DISP3: variants seen among roughly 807,000 people sequenced by gnomAD.
DISP3 encodes the protein protein dispatched homolog 3.
Under a neutral mutation model 135.3 loss-of-function variants are expected in DISP3, and 101 were observed. The observed-to-expected ratio is 0.75, with a 90% CI of 0.64 to 0.88. The LOEUF (loss-of-function observed/expected upper bound fraction) is 0.88, where lower values mean the gene tolerates loss of function less well. Among genes scored for constraint, DISP3 ranks in the 40% least tolerant of loss-of-function variants. The probability of loss-of-function intolerance (pLI) is 0.00; values close to 1 mark genes in which losing one functional copy is unlikely to be tolerated. For missense variants in DISP3, 1,713 were observed against 1,878.6 expected, an observed-to-expected ratio of 0.91 and a Z score of 1.63; for synonymous variants, 856 against 817.0, an observed-to-expected ratio of 1.05 and a Z score of -0.81.
At position 11,520,938 on chromosome 1, in the gene DISP3, C is replaced by A; in HGVS notation, c.2362+90C>A. ...TGAGAGATGCAGGATCCAGGGTCCC[C>A]ATCAATGCCAGACCTCAGGCAAATC... is the stretch of plus-strand genomic sequence containing the variant. On this transcript the variant is annotated intron_variant, in intron 10 of 20. Coordinates refer to ENST00000294484, the MANE Select transcript of DISP3 (RefSeq NM_020780.2). This position sits in a 1 kb window ranked among gnomAD's most constrained non-coding sequence, Gnocchi z 4.8. 1 of 1,405,290 alleles carries A rather than the reference C, an allele frequency of 7.1e-7. No homozygotes were observed. Among genetic ancestry groups the A allele is most frequent in the South Asian group, 1.4e-5 (1 of 70,350 alleles). The allele number at this position is 1,405,290 out of a possible 1,614,324, so 87.1% of individuals were successfully genotyped here.
At position 11,524,182 on chromosome 1, in the gene DISP3, G is replaced by A. The variant is rs867243351; in HGVS notation, c.2476+127G>A. On this transcript the variant is annotated intron_variant, in intron 11 of 20. Coordinates refer to ENST00000294484, the MANE Select transcript of DISP3 (RefSeq NM_020780.2). ...AGGAGATTGTGTGTTCCTGGTCACTGCAGAGGAGCTGGGGATGGGGGGTGA... is the reference window on the plus strand; with the variant it reads ...AGGAGATTGTGTGTTCCTGGTCACTACAGAGGAGCTGGGGATGGGGGGTGA... 7.6e-5 allele frequency: 55 copies of A among 721,988 alleles called. No individual in the cohort carries two copies. The South Asian group carries it at 8.1e-4, about 11-fold the overall frequency. The allele number at this position is 721,988 out of a possible 1,614,324, so 44.7% of individuals were successfully genotyped here.
In DISP3 at chr1:11,501,023, G is replaced by C. The variant is rs1311152946; in HGVS notation, c.31G>C (p.Asp11His). Residue 11 changes from aspartate (D) to histidine (H), a missense_variant, in exon 2 of 21, where the codon GAT becomes CAT. This residue lies in a region of DISP3 where 571 missense variants were observed against 494.1 expected (regional missense o/e 1.16). Transcript: ENST00000294484. This position sits in a 1 kb window ranked among gnomAD's most constrained non-coding sequence, Gnocchi z 4.9. Reference sequence around the variant, plus strand: ...CACGGAGGATGACCCCTTGCTGCAGGATGTGTGGCTAGAGGAGGAGCAGGA... The same window carrying C: ...CACGGAGGATGACCCCTTGCTGCAGCATGTGTGGCTAGAGGAGGAGCAGGA... MDTEDDPLLQDVWLEEEQEEE... is the reference protein window; with the variant it reads MDTEDDPLLQHVWLEEEQEEE... 7.4e-6 allele frequency: 12 copies of C among 1,614,142 alleles called. No individual in the cohort carries two copies. The highest frequency in any genetic ancestry group is 1.0e-5 in the Non-Finnish European group (12 of 1,180,028).
intron 19 of DISP3, 120 bp downstream of exon 19, chr1:11,535,244 C>T: frequency 1.9e-6 from 2 of 1,075,202 alleles, no homozygotes; most frequent in Non-Finnish European, 2.7e-6. Context: ...TCAGCGGAGG[C>T]TCATAGGACT....
intron 1 of DISP3, among the ~76,000 whole-genome samples, chr1:11,490,687 G>A (rs1031040899): frequency 6.6e-6 from 1 of 152,236 alleles, no homozygotes; most frequent in African/African-American, 2.4e-5. Flanking sequence ...TGTGCAGGCA[G>A]GGGCAGGAGG....
At chr1:11,487,538 A>G (rs2100360742) in intron 1 of DISP3, among the ~76,000 whole-genome samples, 1 of 152,366 alleles carries the variant, frequency 6.6e-6, no homozygotes, top group South Asian at 2.1e-4. Flanking sequence ...ATCAATTTGC[A>G]TCATTCCCGC....
Position 11,520,843 on chromosome 1 carries a change from G to A in DISP3, c.2357G>A (p.Cys786Tyr), listed in dbSNP as rs1430383745. 6.2e-7 allele frequency: 1 copy of A among 1,600,470 alleles called. No homozygotes were observed. Among genetic ancestry groups the A allele is most frequent in the Non-Finnish European group, 8.5e-7 (1 of 1,173,522 alleles). The change falls in exon 10 of 21, where the codon TGT becomes TAT. Residue 786 changes from cysteine to tyrosine, a missense_variant. Cys to Tyr is a radical substitution (Grantham distance 194). Around this residue, in one of 2 missense-constraint regions of DISP3, gnomAD observed 1,142 missense variants for 1,384.6 expected, o/e 0.82. Coordinates refer to ENST00000294484, the MANE Select transcript of DISP3 (RefSeq NM_020780.2). This position sits in a 1 kb window ranked among gnomAD's most constrained non-coding sequence, Gnocchi z 4.8. ...GCCGAGGGCATCTCCTGCATCACCT[G>A]TTCAGGTGAGGCTTCTAGCCAGGCT... ...LSAEGISCITCSGLFQEKPHS... is the reference protein window; with the variant it reads ...LSAEGISCITYSGLFQEKPHS...
rs1642529787 is a variant in DISP3, at chr1:11,529,863, G to T, written c.3006G>T (p.Arg1002=). The T allele has an allele frequency of 6.2e-7, 1 of 1,614,036 alleles. No homozygotes were observed. The highest frequency in any genetic ancestry group is 2.2e-5 in the East Asian group (1 of 44,886). The change falls in exon 15 of 21, where the codon CGG becomes CGT. Residue 1002 remains arginine (R), a synonymous_variant. Transcript: ENST00000294484. The surrounding 1 kb of genome is among the most constrained non-coding windows in gnomAD (Gnocchi z 4.7). ...CGGGCTGCGGGAAGCCGGCGGTGCG[G>T]CCACTAGTGGATACCGGGGCCATGG... ...VNTGCGKPAV[R]PLVDTGAMVF...
At chr1:11,513,335 G>T (rs950941576) in intron 3 of DISP3, among the ~76,000 whole-genome samples, 4 of 152,098 alleles carry the variant, frequency 2.6e-5, no homozygotes, top group Non-Finnish European at 5.9e-5. Flanking sequence ...TACTGGATAT[G>T]AATTATTTCA....
At position 11,519,789 on chromosome 1, in the gene DISP3, G is replaced by A. The variant is rs1482771047; in HGVS notation, c.2109G>A (p.Thr703=). 16 of 1,612,872 alleles carry A rather than the reference G, an allele frequency of 9.9e-6. No individual in the cohort carries two copies. Among genetic ancestry groups the A allele is most frequent in the Non-Finnish European group, 1.3e-5 (15 of 1,180,006 alleles). ...SPEGLQPASN[T]GSRGHLIVQL... is the part of the protein sequence containing the mutation. ...AGGGTCTGCAGCCAGCCTCCAACAC[G>A]GGCAGCCGCGGCCATCTCATCGTGC... The change falls in exon 9 of 21, where the codon ACG becomes ACA. Residue 703 remains threonine (T), a synonymous_variant. Coordinates refer to ENST00000294484, the MANE Select transcript of DISP3 (RefSeq NM_020780.2). The surrounding 1 kb of genome is among the most constrained non-coding windows in gnomAD (Gnocchi z 4.3).
In DISP3 at chr1:11,520,730, C is replaced by T. The variant is rs1366064223; in HGVS notation, c.2244C>T (p.Ser748=). The T allele has an allele frequency of 4.3e-6, 7 of 1,613,202 alleles. No homozygotes were observed. The highest frequency in any genetic ancestry group is 1.6e-4 in the Middle Eastern group (1 of 6,082). The change falls in exon 10 of 21, where the codon AGC becomes AGT. Residue 748 remains serine, a synonymous_variant. Coordinates refer to ENST00000294484, the MANE Select transcript of DISP3 (RefSeq NM_020780.2). This position sits in a 1 kb window ranked among gnomAD's most constrained non-coding sequence, Gnocchi z 4.8. ...SILILSLVFA[S]RLRPASRAPL... Reference sequence around the variant, plus strand: ...TCATCTTGTCCCTGGTGTTCGCCAGCCGGCTCCGCCCCGCCAGCCGGGCCC... The same window carrying T: ...TCATCTTGTCCCTGGTGTTCGCCAGTCGGCTCCGCCCCGCCAGCCGGGCCC...
chr1:11,534,957 G>A, intron 18 of DISP3, 54 bp from the exon 19 acceptor site: 1 of 1,465,784 alleles, frequency 6.8e-7, no homozygotes. Flanking sequence ...CAGCAGCACA[G>A]CTTGCTGCGA....
Position 11,517,703 on chromosome 1 carries a change from C to G in DISP3, c.1889+101C>G. 2.8e-6 allele frequency: 4 copies of G among 1,418,992 alleles called. No homozygotes were observed. The South Asian group carries it at 5.0e-5, about 18-fold the overall frequency. The allele number at this position is 1,418,992 out of a possible 1,614,324, so 87.9% of individuals were successfully genotyped here. A position where few individuals can be genotyped will look rare whatever the true frequency, so the allele number is the denominator to read the frequency against. ...CTCTTCCAAAAGCCTTCTGTATGAC[C>G]AGTCCTTTGCTAGGCAGGGAACAGG... On this transcript the variant is annotated intron_variant, in intron 7 of 20. Coordinates refer to ENST00000294484, the MANE Select transcript of DISP3 (RefSeq NM_020780.2).
Position 11,502,014 on chromosome 1 carries a change from C to CCTA in DISP3, c.1025_1027dup (p.Tyr342dup). On this transcript the variant is annotated inframe_insertion, in exon 2 of 21. Coordinates refer to ENST00000294484, the MANE Select transcript of DISP3 (RefSeq NM_020780.2). ...TGCTCGCCCCCCAGCTCGCTCATGA[C>CCTA]CTACTTTTTTCCCACCGAGAGGGGC... 6.2e-7 allele frequency: 1 copy of CCTA among 1,607,914 alleles called. No homozygotes were observed. The highest frequency in any genetic ancestry group is 8.5e-7 in the Non-Finnish European group (1 of 1,176,778).
At chr1:11,522,662 GCCCAGCCAGGA>G (rs1642250820) in intron 10 of DISP3, among the ~76,000 whole-genome samples, 8 of 93,564 alleles carry the variant, frequency 8.6e-5, no homozygotes, top group African/African-American at 1.5e-4. Flanking sequence ...CCCAGCCAGA[GCCCAGCCAGGA>G]CCCAGCCAGA....
Position 11,514,488 on chromosome 1 carries a change from G to A in DISP3, c.1415G>A (p.Cys472Tyr), listed in dbSNP as rs1263650241. The change falls in exon 4 of 21, where the codon TGC becomes TAC. Residue 472 changes from cysteine (C) to tyrosine (Y), a missense_variant. By Grantham distance (194) the Cys-to-Tyr change is radical (BLOSUM62 -2). Coordinates refer to ENST00000294484, the MANE Select transcript of DISP3 (RefSeq NM_020780.2). ...CTCCTGGCCTTCATCAGCAGCAGCT[G>A]CATTGCTGCCCTGGTCTACATCCTC... ...DMLLAFISSSCIAALVYILTS... is the reference protein window; with the variant it reads ...DMLLAFISSSYIAALVYILTS... The A allele has an allele frequency of 6.2e-7, 1 of 1,614,148 alleles. No individual in the cohort carries two copies.
At chr1:11,489,045 C>T (rs1334457236) in intron 1 of DISP3, among the ~76,000 whole-genome samples, 1 of 152,232 alleles carries the variant, frequency 6.6e-6, no homozygotes, top group Admixed American at 6.5e-5. Context: ...TCACTGTGCC[C>T]CTTTCATCTG....
rs1324676929 is a variant in DISP3 at position 11,501,439 on chromosome 1, G to T, written c.447G>T (p.Gln149His). Residue 149 changes from glutamine (Q) to histidine (H), a missense_variant, in exon 2 of 21, where the codon CAG (glutamine) becomes CAT (histidine). This residue lies in a region of DISP3 where 571 missense variants were observed against 494.1 expected (regional missense o/e 1.16). Coordinates refer to ENST00000294484, the MANE Select transcript of DISP3 (RefSeq NM_020780.2). This position sits in a 1 kb window ranked among gnomAD's most constrained non-coding sequence, Gnocchi z 4.9. ...CCGACTTCACCTCCGAGACGCTTCAGCGCCTTATCTCAGAGCAGCTGCAGC... is the reference window on the plus strand; with the variant it reads ...CCGACTTCACCTCCGAGACGCTTCATCGCCTTATCTCAGAGCAGCTGCAGC... ...DLADFTSETL[Q>H]RLISEQLQQL... The T allele has an allele frequency of 4.4e-6, 7 of 1,597,180 alleles. No homozygotes were observed. Among genetic ancestry groups the T allele is most frequent in the Non-Finnish European group, 6.0e-6 (7 of 1,172,322 alleles).
intron 3 of DISP3, among the ~76,000 whole-genome samples, chr1:11,512,119 G>T (rs1406086543): frequency 6.6e-6 from 1 of 152,186 alleles, no homozygotes; most frequent in Non-Finnish European, 1.5e-5. Flanking sequence ...GGCCTCTGAT[G>T]GGAGGGGCTG....
intron 12 of DISP3, 44 bp from the exon 13 acceptor site, chr1:11,526,606 GC>G (rs757427725): frequency 6.3e-6 from 10 of 1,583,852 alleles, no homozygotes; most frequent in Middle Eastern, 1.7e-4. Context: ...GGCCGAGGCA[GC>G]CCCCCCGAGT....
Sources: allele counts gnomAD v4.1 joint callset (sites outside exome capture counted in the v4.1 genomes callset), GRCh38; gene constraint gnomAD v4.1.1; regional missense constraint gnomAD v4.1.1; non-coding constraint Gnocchi (gnomAD v3.1); transcripts MANE v1.5; gene names NCBI Gene and HGNC (gene_info 2026-07-23, HGNC 2026-07-21).